Variants in COL4A4 observed in about 807,000 individuals in gnomAD.
The protein encoded by COL4A4 is collagen type IV alpha 4 chain.
A neutral mutation model predicts 192.9 loss-of-function variants in COL4A4; 105 were observed. The observed-to-expected ratio is 0.54, with a 90% CI of 0.46 to 0.64. The LOEUF is 0.64. COL4A4 is among the 30% of genes least tolerant of loss of function. The pLI, the probability that COL4A4 is intolerant of heterozygous loss-of-function variation, is 0.00. For missense variants in COL4A4, 1,967 were observed against 2,169.3 expected (o/e 0.91, Z 1.85); for synonymous variants, 762 against 769.9 (o/e 0.99, Z 0.17).
At chr2:226,992,132 G>A in the COL4A4 span, among the ~76,000 whole-genome samples, 11 of 152,304 alleles carry the variant, frequency 7.2e-5, no homozygotes, top group East Asian at 2.1e-3. Flanking sequence ...TATGACACAA[G>A]TGGAAACTAT....
intron 43 of COL4A4, among the ~76,000 whole-genome samples, chr2:227,024,132 C>T (rs1240767253): frequency 6.6e-6 from 1 of 152,190 alleles, no homozygotes; most frequent in African/African-American, 2.4e-5. Flanking sequence ...TGGCTCCAAA[C>T]CCATGTTCTT....
intron 8 of COL4A4, among the ~76,000 whole-genome samples, chr2:227,112,221 CTCTT>C (rs2061251867): frequency 6.6e-6 from 1 of 152,166 alleles, no homozygotes; most frequent in South Asian, 2.1e-4. Context: ...TGAATGAAGC[CTCTT>C]TTTTTAAAAT....
At chr2:227,098,954 G>A (rs1044852907) in intron 18 of COL4A4, among the ~76,000 whole-genome samples, 156 bp from the exon 19 acceptor site, 8 of 152,332 alleles carry the variant, frequency 5.3e-5, no homozygotes, top group African/African-American at 1.9e-4. Flanking sequence ...AATGTGAACC[G>A]CCTTGGCTGT....
chr2:227,128,544 CCT>C (rs1299742152), intron 4 of COL4A4, among the ~76,000 whole-genome samples: 1 of 152,166 alleles, frequency 6.6e-6, no homozygotes, highest in Non-Finnish European at 1.5e-5. Flanking sequence ...CTCCTCCTTC[CCT>C]GTCACTGAAG....
Position 227,078,093 on chromosome 2 carries a change from CAT to C in COL4A4, c.1804-18_1804-17del. On this transcript the variant is annotated splice_polypyrimidine_tract_variant and intron_variant, in intron 24 of 47. Coordinates refer to ENST00000396625, the MANE Select transcript of COL4A4 (RefSeq NM_000092.5). ...CATGATCCCCCTGGGAATGTTATGT[CAT>C]GAGTCAATTACCAACCACTGAATGT... The C allele has an allele frequency of 6.2e-7, 1 of 1,613,576 alleles. No homozygotes were observed. Among genetic ancestry groups the C allele is most frequent in the Non-Finnish European group, 8.5e-7 (1 of 1,179,770 alleles).
rs201645298 is a variant in COL4A4, at chr2:227,121,576, AG to A, written c.193-429del. ...GACCCTATCTCAAAAAAAAAAAAAA[AG>A]AAAAGAAAAGAAAGACAAGAAAAGA... On this transcript the variant is annotated intron_variant, in intron 4 of 47. Coordinates refer to ENST00000396625, the MANE Select transcript of COL4A4 (RefSeq NM_000092.5). Among the ~76,000 whole-genome samples, 797 of 134,684 alleles carry A rather than the reference AG, an allele frequency of 5.9e-3. 37 individuals are homozygous for A. The highest frequency in any genetic ancestry group is 0.018 in the African/African-American group (701 of 38,430). The allele number at this position is 134,684 out of a possible 152,430, so 88.4% of individuals were successfully genotyped here. A position where few individuals can be genotyped will look rare whatever the true frequency, so the allele number is the denominator to read the frequency against.
chr2:227,066,934 G>A (rs1269437221), intron 25 of COL4A4, among the ~76,000 whole-genome samples: 1 of 149,472 alleles, frequency 6.7e-6, no homozygotes, highest in Non-Finnish European at 1.5e-5. Context: ...ATTGGATAAA[G>A]AGTCAAGACC....
the COL4A4 span, among the ~76,000 whole-genome samples, chr2:226,969,698 A>G: frequency 6.6e-6 from 1 of 152,214 alleles, no homozygotes; most frequent in African/African-American, 2.4e-5. Flanking sequence ...ATGCATTTTG[A>G]AGGAAATGTA....
intron 47 of COL4A4, 132 bp from the exon 48 acceptor site, chr2:227,007,720 A>G: frequency 7.8e-7 from 1 of 1,277,564 alleles, no homozygotes; most frequent in Non-Finnish European, 1.1e-6. Context: ...ACAAAATACA[A>G]GCGCTGAAAA....
At chr2:227,090,578 C>G (rs929581740) in intron 20 of COL4A4, among the ~76,000 whole-genome samples, 7 of 151,642 alleles carry the variant, frequency 4.6e-5, no homozygotes, top group Non-Finnish European at 8.8e-5. Flanking sequence ...GTAAAACCCC[C>G]CCCATCTCTG....
chr2:227,131,825 C>T lies in COL4A4; in HGVS notation c.192+8336G>A, dbSNP rs550109421. Among the ~76,000 whole-genome samples the T allele has an allele frequency of 2.2e-4, 33 of 152,176 alleles. 1 individual carries two copies. In the South Asian group the frequency reaches 4.2e-3, roughly 19 times the overall value. ...TGATGTGGACACATAGAGGAGCAGG[C>T]GATGTGAAGACAGAGGCACAGACTG... On this transcript the variant is annotated intron_variant, in intron 4 of 47. Transcript: ENST00000396625.
chr2:227,164,328 T>A, upstream of COL4A4: 5 of 191,146 alleles, frequency 2.6e-5, no homozygotes, highest in African/African-American at 3.1e-5. The surrounding 1 kb of genome is among the most constrained non-coding windows in gnomAD (Gnocchi z 4.8). Flanking sequence ...ACGCCCCACC[T>A]CCGACCGCAC....
Position 227,121,151 on chromosome 2 carries a change from G to C in COL4A4, c.193-3C>G. 6.2e-7 allele frequency: 1 copy of C among 1,613,924 alleles called. No individual in the cohort carries two copies. The highest frequency in any genetic ancestry group is 1.1e-5 in the South Asian group (1 of 91,042). ...GGCCCTGGTGGTCCTGGTGGACCCTGAGAAGGAAGATTAAAAAGAAATGGG... is the reference window on the plus strand; with the variant it reads ...GGCCCTGGTGGTCCTGGTGGACCCTCAGAAGGAAGATTAAAAAGAAATGGG... On this transcript the variant is annotated splice_polypyrimidine_tract_variant and splice_region_variant and intron_variant, in intron 4 of 47. Coordinates refer to ENST00000396625, the MANE Select transcript of COL4A4 (RefSeq NM_000092.5).
intron 43 of COL4A4, among the ~76,000 whole-genome samples, 155 bp downstream of exon 43, chr2:227,025,647 G>A (rs1052467450): frequency 4.6e-5 from 7 of 152,086 alleles, no homozygotes; most frequent in East Asian, 1.9e-4. Flanking sequence ...TATCTGTAAC[G>A]AGGAAGCAAA....
intron 17 of COL4A4, 85 bp downstream of exon 17, chr2:227,101,419 C>A: frequency 9.1e-7 from 1 of 1,097,758 alleles, no homozygotes; most frequent in South Asian, 1.5e-5. Flanking sequence ...TTGAATGATT[C>A]CTGGCAATAC....
intron 25 of COL4A4, among the ~76,000 whole-genome samples, chr2:227,073,776 A>T (rs897270643): frequency 6.6e-6 from 1 of 152,124 alleles, no homozygotes; most frequent in Non-Finnish European, 1.5e-5. Context: ...AACAAAGCAT[A>T]CAAAAACAAA....
the COL4A4 span, among the ~76,000 whole-genome samples, chr2:226,990,705 A>G: frequency 7.9e-5 from 12 of 152,188 alleles, no homozygotes; most frequent in African/African-American, 2.7e-4. Flanking sequence ...TTTTTCATCA[A>G]GAACCACAAA....
chr2:227,025,386 C>T (rs1419609768), intron 43 of COL4A4, among the ~76,000 whole-genome samples: 1 of 152,178 alleles, frequency 6.6e-6, no homozygotes, highest in African/African-American at 2.4e-5. Context: ...AAAGGCTTGT[C>T]ACAGCCCCTT....
At chr2:227,060,363 T>C in intron 26 of COL4A4, 120 bp from the exon 27 acceptor site, 8 of 714,730 alleles carry the variant, frequency 1.1e-5, no homozygotes, top group Non-Finnish European at 9.5e-6. Context: ...TTTATGGAAG[T>C]AAGGATGTTG....
Sources: gnomAD v4.1 joint callset for allele counts (sites outside exome capture counted in the v4.1 genomes callset) on GRCh38, gnomAD v4.1.1 for gene constraint, Gnocchi (gnomAD v3.1) non-coding constraint, MANE v1.5 for transcripts, NCBI Gene and HGNC (gene_info 2026-07-23, HGNC 2026-07-21) for gene names.